Variants in PALM2AKAP2 observed in about 807,000 individuals in gnomAD.
PALM2AKAP2 encodes PALM2-AKAP2 fusion protein.
Under a neutral mutation model 71.5 loss-of-function variants are expected in PALM2AKAP2, and 37 were observed. That is an observed-to-expected ratio of 0.52 (90% CI 0.40 to 0.68). The LOEUF is 0.68. Ranked by LOEUF, PALM2AKAP2 falls within the 30% of genes least tolerant of loss-of-function variation. The pLI is 0.00. For synonymous variants in PALM2AKAP2, 468 were observed against 478.8 expected, an observed-to-expected ratio of 0.98 and a Z score of 0.29; for missense variants, 1,224 against 1,191.8, an observed-to-expected ratio of 1.03 and a Z score of -0.40.
chr9:109,726,823 T>C (rs553863148), intron 1 of PALM2AKAP2, among the ~76,000 whole-genome samples: 1 of 152,338 alleles, frequency 6.6e-6, no homozygotes, highest in South Asian at 2.1e-4. Flanking sequence ...TAATTAAAAG[T>C]AAATAAAATT....
At chr9:109,943,032 T>G in intron 6 of PALM2AKAP2, 1 of 1,614,114 alleles carries the variant, frequency 6.2e-7, no homozygotes, top group Non-Finnish European at 8.5e-7. Flanking sequence ...TACATAAGTC[T>G]AGGAAAGACC....
Position 109,711,337 on chromosome 9 carries a change from C to T in PALM2AKAP2, c.6-69151C>T, listed in dbSNP as rs1024133869. Among the ~76,000 whole-genome samples, 5 of 152,270 alleles carry T rather than the reference C, an allele frequency of 3.3e-5. No homozygotes were observed. In the South Asian group the frequency reaches 1.0e-3, roughly 32 times the overall value. The stretch of plus-strand genomic sequence containing the variant: ...TGTTGAAATACAATATTAATATGCA[C>T]TACTGAGAAGATTTTGATGGTTCAT... On this transcript the variant is annotated intron_variant, in intron 1 of 6. Coordinates refer to the PALM2AKAP2 transcript ENST00000374531.
At chr9:110,156,477 G>C (rs1564339115) in exon 3 of PALM2AKAP2, 1 of 1,609,140 alleles carries the variant, frequency 6.2e-7, no homozygotes, top group South Asian at 1.1e-5. Flanking sequence ...TAAAAGGCGC[G>C]AGAGAATGGA....
At chr9:109,942,929 G>A in intron 6 of PALM2AKAP2, 3 of 1,614,168 alleles carry the variant, frequency 1.9e-6, no homozygotes, top group Non-Finnish European at 2.5e-6. Flanking sequence ...AGCTTAGGAG[G>A]AGGGCACGTG....
intron 1 of PALM2AKAP2, among the ~76,000 whole-genome samples, chr9:109,842,387 G>T (rs1048183575): frequency 1.3e-5 from 2 of 152,236 alleles, no homozygotes. Flanking sequence ...ACGGGAAGGG[G>T]TTGGGAGCTC....
At chr9:109,944,253 T>C (rs1211630639) in intron 6 of PALM2AKAP2, 1 of 152,226 alleles carries the variant, frequency 6.6e-6, no homozygotes, top group Non-Finnish European at 1.5e-5. Flanking sequence ...CTTGTTTCTA[T>C]TCTCTTAAAA....
At chr9:110,098,482 A>G (rs891957047) in intron 1 of PALM2AKAP2, among the ~76,000 whole-genome samples, 1 of 152,224 alleles carries the variant, frequency 6.6e-6, no homozygotes, top group African/African-American at 2.4e-5. Flanking sequence ...GGTGAATTCA[A>G]TGGTATGTAA....
At position 109,929,169 on chromosome 9, in the gene PALM2AKAP2, G is replaced by GTTT. The variant is rs35064231; in HGVS notation, c.395-2747_395-2745dup. ...ATGGAAAATTCCCTGTCTGTAAGTA[G>GTTT]TTTTTTTTTTTTTGTTTCTTTTTTA... On this transcript the variant is annotated intron_variant, in intron 5 of 9. Coordinates refer to the PALM2AKAP2 transcript ENST00000302798. Among the ~76,000 whole-genome samples, 524 of 137,736 alleles carry GTTT rather than the reference G, an allele frequency of 3.8e-3. 9 individuals are homozygous for GTTT. Among genetic ancestry groups the GTTT allele is most frequent in the South Asian group, 0.017 (71 of 4,200 alleles). The allele number at this position is 137,736 out of a possible 152,430, so 90.4% of individuals were successfully genotyped here. A position where few individuals can be genotyped will look rare whatever the true frequency, so the allele number is the denominator to read the frequency against.
intron 1 of PALM2AKAP2, among the ~76,000 whole-genome samples, chr9:109,830,829 T>C (rs1286831022): frequency 6.6e-6 from 1 of 152,132 alleles, no homozygotes; most frequent in Non-Finnish European, 1.5e-5. Flanking sequence ...CTACTGAAGG[T>C]CACGCAGTCA....
chr9:109,886,413 G>A (rs529861773), intron 3 of PALM2AKAP2, among the ~76,000 whole-genome samples: 2 of 152,268 alleles, frequency 1.3e-5, no homozygotes, highest in South Asian at 4.1e-4. Context: ...ATTTCACTGG[G>A]TTTTACTAAA....
At chr9:109,801,749 G>A (rs574429128) in intron 1 of PALM2AKAP2, among the ~76,000 whole-genome samples, 2 of 151,984 alleles carry the variant, frequency 1.3e-5, no homozygotes, top group African/African-American at 4.8e-5. Context: ...TGTGTGAAGG[G>A]CTGAGAACTG....
intron 1 of PALM2AKAP2, among the ~76,000 whole-genome samples, chr9:109,674,208 T>G (rs550979262): frequency 7.5e-4 from 114 of 152,080 alleles, no homozygotes; most frequent in African/African-American, 2.6e-3. Flanking sequence ...CTTTCCTAAG[T>G]TTTCTTATCT....
intron 1 of PALM2AKAP2, among the ~76,000 whole-genome samples, chr9:110,121,893 A>G (rs1197599609): frequency 1.3e-5 from 2 of 152,142 alleles, no homozygotes; most frequent in Admixed American, 6.5e-5. Context: ...CCCAAAGTTC[A>G]TGCTAAAAGC....
intron 1 of PALM2AKAP2, among the ~76,000 whole-genome samples, chr9:110,112,194 G>A (rs1008461018): frequency 2.6e-5 from 4 of 151,586 alleles, no homozygotes; most frequent in South Asian, 2.1e-4. Flanking sequence ...ATTACCATCC[G>A]AGATACAGCT....
intron 6 of PALM2AKAP2, among the ~76,000 whole-genome samples, chr9:109,977,513 A>G (rs1172670219): frequency 6.6e-6 from 1 of 152,178 alleles, no homozygotes; most frequent in Non-Finnish European, 1.5e-5. Flanking sequence ...CCAGCTATCA[A>G]TGTGAGAAGG....
chr9:109,867,759 C>T (rs372553807), intron 2 of PALM2AKAP2, among the ~76,000 whole-genome samples, 188 bp downstream of exon 2: 5 of 152,094 alleles, frequency 3.3e-5, no homozygotes, highest in African/African-American at 1.2e-4. Flanking sequence ...TTACAGCATT[C>T]CAATTTCTGC....
chr9:109,865,550 G>T (rs13298370), intron 1 of PALM2AKAP2, among the ~76,000 whole-genome samples: 20 of 152,058 alleles, frequency 1.3e-4, no homozygotes, highest in Admixed American at 7.9e-4. Context: ...CTCAGAGAAT[G>T]GTTCACCAAT....
intron 1 of PALM2AKAP2, among the ~76,000 whole-genome samples, chr9:110,064,646 C>A (rs1266892853): frequency 2.0e-5 from 3 of 152,240 alleles, no homozygotes; most frequent in Non-Finnish European, 4.4e-5. Context: ...AGCTCTCTGG[C>A]CCCGGAACTG....
At chr9:109,644,064 A>C (rs1034537388) in intron 1 of PALM2AKAP2, among the ~76,000 whole-genome samples, 13 of 152,072 alleles carry the variant, frequency 8.5e-5, no homozygotes, top group Admixed American at 2.6e-4. Context: ...GCGAGTGAAC[A>C]CCAAGGCCCC....
Sources: allele counts gnomAD v4.1 joint callset (sites outside exome capture counted in the v4.1 genomes callset), GRCh38; gene constraint gnomAD v4.1.1; transcripts MANE v1.5; gene names NCBI Gene and HGNC (gene_info 2026-07-23, HGNC 2026-07-21).